Variants in PCDHA1 observed in about 807,000 individuals in gnomAD.
PCDHA1 encodes protocadherin alpha 1, also known as protocadherin alpha-1.
PCDHA1 carries 42 observed loss-of-function variants against 61.3 expected under a neutral mutation model. The observed-to-expected ratio is 0.69, with a 90% CI of 0.54 to 0.89. PCDHA1 has a LOEUF of 0.89. Ranked by LOEUF, PCDHA1 falls within the 40% of genes least tolerant of loss-of-function variation. The pLI is 0.00. For missense variants in PCDHA1, 1,256 were observed against 1,235.3 expected (o/e 1.02, Z -0.25); for synonymous variants, 610 against 553.8 (o/e 1.10, Z -1.43).
intron 1 of PCDHA1, chr5:140,843,878 T>A (rs1234503395): frequency 5.4e-6 from 4 of 744,588 alleles, no homozygotes; most frequent in Non-Finnish European, 8.7e-6. Context: ...CTCAGTGGCA[T>A]AATACAGTAT....
chr5:140,884,484 T>TA, intron 1 of PCDHA1: 1 of 1,613,922 alleles, frequency 6.2e-7, no homozygotes, highest in Non-Finnish European at 8.5e-7. Flanking sequence ...AAGCCCACTC[T>TA]AGTGTGCTCC....
At chr5:140,858,424 C>T in intron 1 of PCDHA1, 3 of 1,553,410 alleles carry the variant, frequency 1.9e-6, no homozygotes, top group Non-Finnish European at 2.6e-6. Context: ...TTGGAGGGGA[C>T]CACTCTAGGA....
chr5:140,830,763 A>T, intron 1 of PCDHA1: 1 of 176,090 alleles, frequency 5.7e-6, no homozygotes, highest in Non-Finnish European at 1.2e-5. Context: ...TTTAATTCAG[A>T]ATCATAGTAG....
At chr5:140,980,278 GA>G (rs1351425532) in intron 2 of PCDHA1, among the ~76,000 whole-genome samples, 1 of 152,166 alleles carries the variant, frequency 6.6e-6, no homozygotes, top group Non-Finnish European at 1.5e-5. Flanking sequence ...ACCAACTCTT[GA>G]AAAGTACCAA....
At chr5:140,942,927 A>T (rs914550511) in intron 1 of PCDHA1, among the ~76,000 whole-genome samples, 2 of 152,104 alleles carry the variant, frequency 1.3e-5, no homozygotes, top group Non-Finnish European at 2.9e-5. Flanking sequence ...AAAAAAATTG[A>T]AAAAGAGTTT....
At chr5:140,828,085 A>G in intron 1 of PCDHA1, 1 of 1,590,816 alleles carries the variant, frequency 6.3e-7, no homozygotes, top group East Asian at 2.2e-5. Context: ...AACCAGAGGT[A>G]TTTGACATGG....
intron 1 of PCDHA1, among the ~76,000 whole-genome samples, chr5:140,819,386 C>T (rs1766549033): frequency 6.6e-6 from 1 of 152,040 alleles, no homozygotes. Context: ...TTTCTAAAGG[C>T]TTTTAGTGAA....
intron 1 of PCDHA1, chr5:140,809,760 T>C: frequency 1.6e-6 from 1 of 608,668 alleles, no homozygotes; most frequent in Non-Finnish European, 2.8e-6. Flanking sequence ...CTTCATTTTA[T>C]GCTGCATTAT....
At chr5:140,822,488 C>T (rs2150116764) in intron 1 of PCDHA1, 5 of 1,613,604 alleles carry the variant, frequency 3.1e-6, no homozygotes, top group Middle Eastern at 1.6e-4. Context: ...AATGATAACG[C>T]CCCAGAATTT....
chr5:140,927,632 C>G (rs2084445013), intron 1 of PCDHA1: 2 of 1,614,142 alleles, frequency 1.2e-6, no homozygotes, highest in Non-Finnish European at 1.7e-6. Context: ...GAGACTGCAC[C>G]CAATGGGACT....
intron 1 of PCDHA1, chr5:140,800,941 T>G: frequency 9.8e-7 from 1 of 1,017,480 alleles, no homozygotes; most frequent in Non-Finnish European, 1.3e-6. Context: ...TTGGGAAAGT[T>G]CAAACGACAT....
chr5:140,800,993 G>T, intron 1 of PCDHA1: 1 of 1,393,788 alleles, frequency 7.2e-7, no homozygotes, highest in Non-Finnish European at 9.3e-7. Flanking sequence ...ATACTTACAC[G>T]TTTAGCCACA....
At chr5:140,888,695 A>G (rs1161003821) in intron 1 of PCDHA1, among the ~76,000 whole-genome samples, 3 of 152,094 alleles carry the variant, frequency 2.0e-5, no homozygotes, top group African/African-American at 7.2e-5. Flanking sequence ...CTCTTCTCTG[A>G]TTGGTAGGAA....
chr5:140,815,581 T>G (rs1274271500), intron 1 of PCDHA1: 1 of 152,156 alleles, frequency 6.6e-6, no homozygotes, highest in Admixed American at 6.5e-5. Flanking sequence ...TTAATCAGAT[T>G]TTAAAATATC....
intron 1 of PCDHA1, among the ~76,000 whole-genome samples, chr5:140,873,346 T>C (rs1235906519): frequency 1.5e-4 from 23 of 152,226 alleles, no homozygotes; most frequent in African/African-American, 4.8e-4. Flanking sequence ...CATCTCCAGA[T>C]GAAATTTTTG....
chr5:140,905,248 C>A (rs143714633), intron 1 of PCDHA1, among the ~76,000 whole-genome samples: 43 of 152,208 alleles, frequency 2.8e-4, no homozygotes, highest in African/African-American at 8.7e-4. Context: ...TTCATTCTTC[C>A]ACATGAGGCT....
rs542701193 is a variant in PCDHA1 at position 140,931,976 on chromosome 5, A to G, written c.2395-46973A>G. 2.6e-5 allele frequency among the ~76,000 whole-genome samples: 4 copies of G among 152,074 alleles called. No homozygotes were observed. In the East Asian group the frequency reaches 7.7e-4, roughly 29 times the overall value. On this transcript the variant is annotated intron_variant, in intron 1 of 3. Coordinates refer to ENST00000504120, the MANE Select transcript of PCDHA1 (RefSeq NM_018900.4). ...GAATCATGTTGATGCATATGTGTTTATATTTTGCTCAAATTCTAAGTTCTT... is the reference window on the plus strand; with the variant it reads ...GAATCATGTTGATGCATATGTGTTTGTATTTTGCTCAAATTCTAAGTTCTT...
At chr5:140,810,808 T>C (rs530061594) in intron 1 of PCDHA1, 17 of 152,258 alleles carry the variant, frequency 1.1e-4, no homozygotes, top group Admixed American at 9.1e-4. Context: ...TTTTTAATTC[T>C]TTTTTGTCTT....
chr5:140,850,595 G>A (rs2150490707), intron 1 of PCDHA1: 2 of 1,598,512 alleles, frequency 1.3e-6, no homozygotes, highest in East Asian at 4.5e-5. Flanking sequence ...ACGTGTACCT[G>A]ATCATCGCCA....
Sources: allele counts gnomAD v4.1 joint callset (sites outside exome capture counted in the v4.1 genomes callset), GRCh38; gene constraint gnomAD v4.1.1; transcripts MANE v1.5; gene names NCBI Gene and HGNC (gene_info 2026-07-23, HGNC 2026-07-21).